The following KIRREL2 variants were observed in gnomAD, a reference collection of about 807,000 sequenced individuals.
KIRREL2 encodes kirre like nephrin family adhesion molecule 2.
In KIRREL2, 56 loss-of-function variants were observed where a neutral mutation model predicts 73.4. The ratio of observed to expected loss-of-function variants is 0.76; its 90% CI spans 0.62 to 0.95. The LOEUF is 0.95. Ranked by LOEUF, KIRREL2 falls within the 40% of genes least tolerant of loss-of-function variation. KIRREL2 has a pLI of 0.00. For missense variants in KIRREL2, 896 were observed against 935.0 expected, an observed-to-expected ratio of 0.96 and a Z score of 0.54; for synonymous variants, 407 against 404.0, an observed-to-expected ratio of 1.01 and a Z score of -0.09.
At chr19:35,865,156 A>G (rs1264233351) in intron 14 of KIRREL2, among the ~76,000 whole-genome samples, 3 of 144,904 alleles carry the variant, frequency 2.1e-5, no homozygotes, top group African/African-American at 7.7e-5. Flanking sequence ...TACCTAGCAC[A>G]TGCCATTCTC....
intron 8 of KIRREL2, 27 bp from the exon 9 acceptor site, chr19:35,861,095 G>A: frequency 6.2e-7 from 1 of 1,607,440 alleles, no homozygotes; most frequent in South Asian, 1.1e-5. Flanking sequence ...TACAAATCCG[G>A]CTTCTGACGC....
In KIRREL2 at chr19:35,866,415, C is replaced by T; in HGVS notation, c.2050C>T (p.Leu684=). The part of the protein sequence containing the change: ...IKPTSFGPPD[L]APGTPPFPYA... ...ACCCACATCCTTTGGGCCCCCAGAT[C>T]TGGCCCCCGGGACTCCCCCCTTCCC... Residue 684 remains leucine (L), a synonymous_variant, in exon 15 of 15, where the codon CTG becomes TTG. Transcript: ENST00000360202. 1 of 1,611,830 alleles carries T rather than the reference C, an allele frequency of 6.2e-7. No homozygotes were observed. The highest frequency in any genetic ancestry group is 1.1e-5 in the South Asian group (1 of 91,042).
At chr19:35,856,843 A>G, upstream of KIRREL2, 1 of 505,380 alleles carries the variant, frequency 2.0e-6, no homozygotes, top group African/African-American at 2.0e-5. This position sits in a 1 kb window ranked among gnomAD's most constrained non-coding sequence, Gnocchi z 5.9. Context: ...CTCAACGGGA[A>G]GAGGGCGGAG....
At chr19:35,861,469 A>G (rs1467238713) in intron 9 of KIRREL2, 72 bp from the exon 10 acceptor site, 9 of 1,525,736 alleles carry the variant, frequency 5.9e-6, no homozygotes, top group Non-Finnish European at 8.1e-6. Flanking sequence ...TGCGCTGGAC[A>G]GACCCGGCTT....
intron 2 of KIRREL2, among the ~76,000 whole-genome samples, chr19:35,857,895 G>A (rs560745061): frequency 1.3e-5 from 2 of 151,784 alleles, no homozygotes; most frequent in Non-Finnish European, 2.9e-5. Context: ...TTACTCAGGA[G>A]GCTTAGGTGG....
At chr19:35,858,648 G>A (rs532862436) in intron 3 of KIRREL2, 56 bp from the exon 4 acceptor site, 1 of 1,608,902 alleles carries the variant, frequency 6.2e-7, no homozygotes, top group Admixed American at 1.7e-5. Flanking sequence ...CAGGGGCATG[G>A]TCAATTGGAG....
Position 35,861,379 on chromosome 19 carries a change from C to T in KIRREL2, c.1189+125C>T, listed in dbSNP as rs1001443627. 9 of 1,481,248 alleles carry T rather than the reference C, an allele frequency of 6.1e-6. No homozygotes were observed. In the African/African-American group the frequency reaches 9.9e-5, roughly 16 times the overall value. The allele number at this position is 1,481,248 out of a possible 1,614,324, so 91.8% of individuals were successfully genotyped here. A position where few individuals can be genotyped will look rare whatever the true frequency, so the allele number is the denominator to read the frequency against. ...TTTACACCCAGCGGGGGCTGGAGAC[C>T]GGACCTATTGAAGGCGAGGCTTTTA... is the stretch of plus-strand genomic sequence containing the variant. On this transcript the variant is annotated intron_variant, in intron 9 of 14. Coordinates refer to ENST00000360202, the MANE Select transcript of KIRREL2 (RefSeq NM_199180.4).
chr19:35,855,315 C>A (rs796149302), upstream of KIRREL2, among the ~76,000 whole-genome samples: 52 of 152,154 alleles, frequency 3.4e-4, no homozygotes, highest in African/African-American at 1.2e-3. Context: ...AAACCTTCCA[C>A]CCTCCACCTT....
At chr19:35,851,435 G>T (rs1973257861), upstream of KIRREL2, 1 of 1,612,980 alleles carries the variant, frequency 6.2e-7, no homozygotes, top group Non-Finnish European at 8.5e-7. Flanking sequence ...GTGGCTGAGG[G>T]TCTCAGGCTC....
chr19:35,860,587 C>A lies in KIRREL2; in HGVS notation c.848C>A (p.Ser283Ter), dbSNP rs1425331432. ...GPRLEVVADA[S>*]FLTEPVSCEV... is the part of the protein sequence containing the mutation. ...AGGTTAGAGGTCGTGGCAGACGCCT[C>A]GTTCCTGACTGAGCCCGTGTCCTGC... Residue 283 changes from serine (S) to a stop codon, truncating the protein, a stop_gained, in exon 7 of 15, where the codon TCG becomes TAG. Transcript: ENST00000360202. LOFTEE classifies it high-confidence loss of function. 1 of 1,603,580 alleles carries A rather than the reference C, an allele frequency of 6.2e-7. No individual in the cohort carries two copies. The highest frequency in any genetic ancestry group is 1.3e-5 in the African/African-American group (1 of 74,926).
At position 35,862,966 on chromosome 19, in the gene KIRREL2, T is replaced by TC; in HGVS notation, c.1658dup (p.Gly554TrpfsTer12). On this transcript the variant is annotated frameshift_variant, in exon 13 of 15. Transcript: ENST00000360202. LOFTEE classifies it high-confidence loss of function. Reference sequence around the variant, plus strand: ...TCCGAGCAAAAGAACCTGATGCGAATCCCTGGCAGCAGCGACGGCTCCAGT... The same window carrying TC: ...TCCGAGCAAAAGAACCTGATGCGAATCCCCTGGCAGCAGCGACGGCTCCAGT... 1 of 1,590,704 alleles carries TC rather than the reference T, an allele frequency of 6.3e-7. No individual in the cohort carries two copies. Among genetic ancestry groups the TC allele is most frequent in the Non-Finnish European group, 8.6e-7 (1 of 1,168,794 alleles).
upstream of KIRREL2, among the ~76,000 whole-genome samples, chr19:35,854,523 A>G (rs1271967960): frequency 1.3e-5 from 2 of 151,780 alleles, no homozygotes; most frequent in Non-Finnish European, 1.5e-5. Flanking sequence ...GGGTTTCTCC[A>G]TGTTGATCAG....
At chr19:35,860,846 C>T in intron 7 of KIRREL2, 63 bp from the exon 8 acceptor site, 1 of 1,609,022 alleles carries the variant, frequency 6.2e-7, no homozygotes, top group Non-Finnish European at 8.5e-7. Context: ...GTGGGGCTGG[C>T]TGATCCCAGG....
upstream of KIRREL2, among the ~76,000 whole-genome samples, chr19:35,854,034 G>A (rs1973347999): frequency 1.3e-5 from 2 of 151,976 alleles, no homozygotes; most frequent in Non-Finnish European, 2.9e-5. Context: ...TAGTAGAGAC[G>A]GGGTTTCGCC....
chr19:35,852,517 C>T (rs1422371457), upstream of KIRREL2, among the ~76,000 whole-genome samples: 2 of 152,088 alleles, frequency 1.3e-5, no homozygotes, highest in Non-Finnish European at 2.9e-5. Flanking sequence ...AGTGCAACCT[C>T]CCCCAGGTAC....
At chr19:35,864,604 G>A (rs1250622940) in intron 13 of KIRREL2, 44 bp from the exon 14 acceptor site, 28 of 1,530,318 alleles carry the variant, frequency 1.8e-5, no homozygotes, top group Non-Finnish European at 2.4e-5. Context: ...ATTGGGGCGG[G>A]GGGATCCTCT....
At chr19:35,861,707 C>A in intron 10 of KIRREL2, 66 bp downstream of exon 10, 1 of 1,588,460 alleles carries the variant, frequency 6.3e-7, no homozygotes. Context: ...CCTGGCCCCC[C>A]GAAACTACTG....
chr19:35,866,100 G>T, intron 14 of KIRREL2, 57 bp from the exon 15 acceptor site: 1 of 1,538,938 alleles, frequency 6.5e-7, no homozygotes, highest in Admixed American at 2.2e-5. Flanking sequence ...CTCCATCAGT[G>T]ACCCTCATCC....
At chr19:35,862,118 C>T in intron 11 of KIRREL2, 94 bp downstream of exon 11, 1 of 1,092,862 alleles carries the variant, frequency 9.2e-7, no homozygotes, top group Non-Finnish European at 1.3e-6. Context: ...CTCATACCCT[C>T]AAATGCAGAG....
Sources: gnomAD v4.1 joint callset for allele counts (sites outside exome capture counted in the v4.1 genomes callset) on GRCh38, gnomAD v4.1.1 for gene constraint, Gnocchi (gnomAD v3.1) non-coding constraint, MANE v1.5 for transcripts, NCBI Gene and HGNC (gene_info 2026-07-23, HGNC 2026-07-21) for gene names.